Variants in HELQ observed in about 807,000 individuals in gnomAD.
The protein encoded by HELQ is helicase, POLQ like.
HELQ carries 77 observed loss-of-function variants against 111.6 expected under a neutral mutation model. The observed-to-expected ratio is 0.69, with a 90% CI of 0.57 to 0.83. The LOEUF (loss-of-function observed/expected upper bound fraction) is 0.83. Among genes scored for constraint, HELQ ranks in the 40% least tolerant of loss-of-function variants. The probability of loss-of-function intolerance (pLI) is 0.00; values close to 1 mark genes in which losing one functional copy is unlikely to be tolerated. For synonymous variants in HELQ, 438 were observed against 454.7 expected (o/e 0.96, Z 0.47); for missense variants, 1,200 against 1,288.5 (o/e 0.93, Z 1.05).
chr4:83,428,312 GTT>G (rs111926706), intron 12 of HELQ, among the ~76,000 whole-genome samples: 51 of 144,924 alleles, frequency 3.5e-4, no homozygotes, highest in African/African-American at 1.1e-3. Flanking sequence ...GAGTTCTTAG[GTT>G]TTTTTTTTTT....
At chr4:83,427,791 T>G in intron 12 of HELQ, 71 bp from the exon 13 acceptor site, 1 of 1,134,014 alleles carries the variant, frequency 8.8e-7, no homozygotes, top group Non-Finnish European at 1.2e-6. Context: ...TTAAATATTG[T>G]GTAGAAATTG....
In HELQ at chr4:83,447,070, A is replaced by G. The variant is rs746200814; in HGVS notation, c.1192-35T>C. The G allele has an allele frequency of 4.3e-6, 5 of 1,152,020 alleles. No homozygotes were observed. In the South Asian group the frequency reaches 5.6e-5, roughly 13 times the overall value. The allele number at this position is 1,152,020 out of a possible 1,614,324, so 71.4% of individuals were successfully genotyped here. On this transcript the variant is annotated intron_variant, in intron 3 of 17. Transcript: ENST00000295488. ...TAGTTAAAATAAAGAAAAATTGGCC[A>G]GGCATTGTGGCCAATGCCTGTAATC...
At position 83,432,251 on chromosome 4, in the gene HELQ, G is replaced by A. The variant is rs765695614; in HGVS notation, c.2065C>T (p.Pro689Ser). 1 of 1,573,212 alleles carries A rather than the reference G, an allele frequency of 6.4e-7. No individual in the cohort carries two copies. The highest frequency in any genetic ancestry group is 8.6e-7 in the Non-Finnish European group (1 of 1,160,000). ...LPARRVILRAPYVAKEFLKRN... is the reference protein window; with the variant it reads ...LPARRVILRASYVAKEFLKRN... ...TTTAAAAATTCCTTAGCAACATAGG[G>A]AGCTCTTAAAATAACTCTGTGGAAT... The change falls in exon 10 of 18, where the codon CCC becomes TCC. Residue 689 changes from proline to serine, a missense_variant. By Grantham distance (74) the Pro-to-Ser change is moderately conservative. Transcript: ENST00000295488.
At position 83,455,796 on chromosome 4, in the gene HELQ, C is replaced by G; in HGVS notation, c.-103G>C. 8.3e-7 allele frequency: 1 copy of G among 1,205,914 alleles called. No individual in the cohort carries two copies. The highest frequency in any genetic ancestry group is 1.2e-6 in the Non-Finnish European group (1 of 854,576). The allele number at this position is 1,205,914 out of a possible 1,614,324, so 74.7% of individuals were successfully genotyped here. A position where few individuals can be genotyped will look rare whatever the true frequency, so the allele number is the denominator to read the frequency against. On this transcript the variant is annotated 5_prime_UTR_variant, in exon 1 of 18. Transcript: ENST00000295488. ...CGCCGGAGCCCGCTTCTACATCCAC[C>G]TTGGGAAAAGACCCCAAGTTAGCTC...
In HELQ at chr4:83,421,722, G is replaced by A. The variant is rs1230003841; in HGVS notation, c.2790C>T (p.Asn930=). ...AAGACAGATATAGCCTGTTGACAACGTTCTTGTCCACCTTCTAGAAAGACA... is the reference window on the plus strand; with the variant it reads ...AAGACAGATATAGCCTGTTGACAACATTCTTGTCCACCTTCTAGAAAGACA... The part of the protein sequence containing the change: ...GQAIGKKVDK[N]VVNRLYLSFV... The change falls in exon 15 of 18, where the codon AAC becomes AAT. Residue 930 remains asparagine (N), a synonymous_variant. Transcript: ENST00000295488. The A allele has an allele frequency of 8.1e-6, 13 of 1,612,494 alleles. No individual in the cohort carries two copies. Among genetic ancestry groups the A allele is most frequent in the South Asian group, 2.2e-5 (2 of 90,866 alleles).
At chr4:83,438,577 T>A (rs59635630) in intron 8 of HELQ, among the ~76,000 whole-genome samples, 10,803 of 151,616 alleles carry the variant, frequency 0.071, 1,308 homozygotes, top group African/African-American at 0.25. Context: ...ACTATCTCCA[T>A]GAAAATTACA....
chr4:83,449,003 A>G lies in HELQ; in HGVS notation c.1013-42T>C, dbSNP rs758854589. 3.5e-6 allele frequency: 5 copies of G among 1,413,012 alleles called. No individual in the cohort carries two copies. The African/African-American group carries it at 5.8e-5, about 16-fold the overall frequency. The allele number at this position is 1,413,012 out of a possible 1,614,324, so 87.5% of individuals were successfully genotyped here. On this transcript the variant is annotated intron_variant, in intron 2 of 17. Transcript: ENST00000295488. Reference sequence around the variant, plus strand: ...AAAAAGGCATTATTTTCCCCTTCCAAACTTTGAAACTCAAAAGTTTTCTAA... The same window carrying G: ...AAAAAGGCATTATTTTCCCCTTCCAGACTTTGAAACTCAAAAGTTTTCTAA...
intron 17 of HELQ, among the ~76,000 whole-genome samples, chr4:83,415,778 G>A (rs1408805880): frequency 6.6e-6 from 1 of 151,818 alleles, no homozygotes; most frequent in Non-Finnish European, 1.5e-5. Context: ...GATTACAGGT[G>A]TGGGCCTACA....
chr4:83,427,730 A>C lies in HELQ; in HGVS notation c.2519-10T>G. The C allele has an allele frequency of 6.7e-7, 1 of 1,484,060 alleles. No individual in the cohort carries two copies. Among genetic ancestry groups the C allele is most frequent in the Non-Finnish European group, 9.0e-7 (1 of 1,110,662 alleles). The allele number at this position is 1,484,060 out of a possible 1,614,324, so 91.9% of individuals were successfully genotyped here. A position where few individuals can be genotyped will look rare whatever the true frequency, so the allele number is the denominator to read the frequency against. ...GCTAAATCTATAGTTCCTAAAAGAAAGATACAAATATTCAATCTTTCACAA... is the reference window on the plus strand; with the variant it reads ...GCTAAATCTATAGTTCCTAAAAGAACGATACAAATATTCAATCTTTCACAA... On this transcript the variant is annotated splice_polypyrimidine_tract_variant and intron_variant, in intron 12 of 17. Transcript: ENST00000295488.
At chr4:83,421,845 G>T in intron 14 of HELQ, 109 bp from the exon 15 acceptor site, 1 of 757,966 alleles carries the variant, frequency 1.3e-6, no homozygotes, top group African/African-American at 1.8e-5. Context: ...AGCAAGGATA[G>T]AATAATTCCA....
At chr4:83,455,239 T>C (rs570617945) in intron 1 of HELQ, 158 bp downstream of exon 1, 2 of 1,409,918 alleles carry the variant, frequency 1.4e-6, no homozygotes, top group East Asian at 2.5e-5. Context: ...CATATTTATA[T>C]AGAAATGTAA....
At chr4:83,407,967 A>C (rs1421960905) in intron 17 of HELQ, among the ~76,000 whole-genome samples, 2 of 152,218 alleles carry the variant, frequency 1.3e-5, no homozygotes, top group Admixed American at 1.3e-4. Context: ...TGCTTTAAAA[A>C]GCTACCAGTA....
At chr4:83,454,593 T>TAAAAAA (rs1351484500) in intron 1 of HELQ, among the ~76,000 whole-genome samples, 1 of 151,440 alleles carries the variant, frequency 6.6e-6, no homozygotes, top group African/African-American at 2.4e-5. Context: ...AAAAAAAATT[T>TAAAAAA]TTTTTTTTTT....
rs748312031 is a variant in HELQ, at chr4:83,455,693, T to TGGCAAGGACCCA, written c.-12_-1dup. ...CGGATGCGGGAACCACATTCATCCA[T>TGGCAAGGACCCA]GGCAAGGACCCAGGGCCCTATTCAG... On this transcript the variant is annotated 5_prime_UTR_variant, in exon 1 of 18. Transcript: ENST00000295488. 5.6e-6 allele frequency: 9 copies of TGGCAAGGACCCA among 1,604,464 alleles called. No homozygotes were observed. The East Asian group carries it at 2.0e-4, about 36-fold the overall frequency.
intron 1 of HELQ, 141 bp downstream of exon 1, chr4:83,455,256 A>C (rs1721693532): frequency 1.3e-6 from 2 of 1,487,470 alleles, no homozygotes; most frequent in Admixed American, 4.8e-5. Flanking sequence ...GTAAATAACA[A>C]GGCAATCAAT....
rs774541007 is a variant in HELQ, at chr4:83,416,793, G to A, written c.3136C>T (p.Leu1046Phe). The change falls in exon 17 of 18, where the codon CTC (leucine) becomes TTC (phenylalanine). Residue 1046 changes from leucine to phenylalanine, a missense_variant. Physicochemically the swap from Leu to Phe is conservative, Grantham distance 22. This residue lies in a region of HELQ where 585 missense variants were observed against 665.3 expected (regional missense o/e 0.88). Transcript: ENST00000295488. ...MHLANANPEV[L>F]VRTIDHLSRR... Reference sequence around the variant, plus strand: ...GATAAATGATCAATTGTCCTTACGAGCACTTCAGGATTTGCATTAGCTAAG... The same window carrying A: ...GATAAATGATCAATTGTCCTTACGAACACTTCAGGATTTGCATTAGCTAAG... 6.2e-7 allele frequency: 1 copy of A among 1,613,886 alleles called. No homozygotes were observed. The highest frequency in any genetic ancestry group is 1.1e-5 in the South Asian group (1 of 91,056).
intron 12 of HELQ, among the ~76,000 whole-genome samples, chr4:83,428,797 A>C (rs1044294603): frequency 1.3e-5 from 2 of 152,032 alleles, no homozygotes; most frequent in East Asian, 3.8e-4. Flanking sequence ...AAAGAAAAAA[A>C]ATTTTTTTAA....
intron 7 of HELQ, among the ~76,000 whole-genome samples, 181 bp downstream of exon 7, chr4:83,441,124 T>A (rs1720733584): frequency 2.0e-5 from 3 of 152,342 alleles, no homozygotes; most frequent in East Asian, 3.9e-4. Flanking sequence ...TATGGTGTGA[T>A]CTAATGTTGA....
intron 2 of HELQ, 68 bp from the exon 3 acceptor site, chr4:83,449,029 G>GA: frequency 2.0e-5 from 24 of 1,181,064 alleles, no homozygotes; most frequent in Admixed American, 8.2e-5. Context: ...AGTTTTCTAA[G>GA]AAAAAAAATC....
Sources: allele counts gnomAD v4.1 joint callset (sites outside exome capture counted in the v4.1 genomes callset), GRCh38; gene constraint gnomAD v4.1.1; regional missense constraint gnomAD v4.1.1; transcripts MANE v1.5; gene names NCBI Gene and HGNC (gene_info 2026-07-23, HGNC 2026-07-21).